FANCC: variants seen among roughly 807,000 people sequenced by gnomAD.
FANCC encodes Fanconi anemia group C protein.
A neutral mutation model predicts 71.3 loss-of-function variants in FANCC; 55 were observed. The observed-to-expected ratio is 0.77, with a 90% CI of 0.62 to 0.97. The LOEUF is 0.97. Ranked by LOEUF, FANCC falls within the 50% of genes least tolerant of loss-of-function variation. The pLI, the probability that FANCC is intolerant of heterozygous loss-of-function variation, is 0.00. For synonymous variants in FANCC, 275 were observed against 244.9 expected, an observed-to-expected ratio of 1.12 and a Z score of -1.15; for missense variants, 678 against 670.9, an observed-to-expected ratio of 1.01 and a Z score of -0.12.
chr9:95,183,805 G>A (rs1826531544), intron 4 of FANCC, among the ~76,000 whole-genome samples: 1 of 152,178 alleles, frequency 6.6e-6, no homozygotes, highest in Non-Finnish European at 1.5e-5. Context: ...AAGGGGTCCT[G>A]AGAAATTCAA....
intron 4 of FANCC, among the ~76,000 whole-genome samples, chr9:95,193,099 G>A (rs1827210839): frequency 6.6e-6 from 1 of 152,158 alleles, no homozygotes; most frequent in South Asian, 2.1e-4. Context: ...TCCAGTGAGG[G>A]AAAAGGGAAG....
chr9:95,235,522 A>G (rs1357570676), intron 4 of FANCC, among the ~76,000 whole-genome samples: 1 of 152,174 alleles, frequency 6.6e-6, no homozygotes, highest in East Asian at 1.9e-4. Flanking sequence ...GATCTTCATG[A>G]CCTTGGACTG....
chr9:95,202,591 CTT>C (rs1302651634), intron 4 of FANCC, among the ~76,000 whole-genome samples: 2 of 152,214 alleles, frequency 1.3e-5, no homozygotes, highest in African/African-American at 4.8e-5. Flanking sequence ...TTATGGGACT[CTT>C]TTTCTAATTA....
intron 4 of FANCC, among the ~76,000 whole-genome samples, chr9:95,176,286 G>A (rs575860370): frequency 3.3e-5 from 5 of 152,150 alleles, no homozygotes; most frequent in Non-Finnish European, 5.9e-5. Flanking sequence ...ATGCAAATCT[G>A]AATGCTCTCA....
chr9:95,104,470 G>C (rs867308072), intron 14 of FANCC, among the ~76,000 whole-genome samples: 1 of 152,144 alleles, frequency 6.6e-6, no homozygotes. Flanking sequence ...GAGGGTTCCC[G>C]TGTGGATCCG....
At chr9:95,143,676 T>A (rs894331160) in intron 7 of FANCC, among the ~76,000 whole-genome samples, 4 of 152,196 alleles carry the variant, frequency 2.6e-5, no homozygotes, top group Non-Finnish European at 5.9e-5. Context: ...AAATTCTCCA[T>A]CCAGTCTTCA....
chr9:95,279,549 A>G (rs549425030), intron 1 of FANCC, among the ~76,000 whole-genome samples: 1 of 152,112 alleles, frequency 6.6e-6, no homozygotes, highest in African/African-American at 2.4e-5. Flanking sequence ...GAGCGTAATA[A>G]AAGGAGAAAC....
At chr9:95,148,025 G>A (rs1829795415) in intron 7 of FANCC, among the ~76,000 whole-genome samples, 1 of 152,068 alleles carries the variant, frequency 6.6e-6, no homozygotes, top group East Asian at 1.9e-4. Flanking sequence ...TGCACTGATA[G>A]CGCAAAAGCA....
At chr9:95,291,965 AAAATATATATATAT>A (rs1338946924) in intron 1 of FANCC, among the ~76,000 whole-genome samples, 2 of 84,936 alleles carry the variant, frequency 2.4e-5, no homozygotes, top group Non-Finnish European at 4.8e-5. Context: ...AAAAAAAAAA[AAAATATATATATAT>A]ATATATATAT....
rs1214856510 is a variant in FANCC at position 95,101,194 on chromosome 9, C to G, written c.*513G>C. The G allele has an allele frequency of 3.9e-6, 1 of 254,228 alleles. No individual in the cohort carries two copies. Among genetic ancestry groups the G allele is most frequent in the Non-Finnish European group, 7.7e-6 (1 of 129,392 alleles). The allele number at this position is 254,228 out of a possible 1,614,324, so 15.7% of individuals were successfully genotyped here. A position where few individuals can be genotyped will look rare whatever the true frequency, so the allele number is the denominator to read the frequency against. On this transcript the variant is annotated 3_prime_UTR_variant, in exon 15 of 15. Transcript: ENST00000289081. ...CAGGTCCAGGGAGACACAAGGGAAG[C>G]CTGAGGGACCCTGACTCCCCTTGAA...
chr9:95,143,665 C>T (rs1233327781), intron 7 of FANCC, among the ~76,000 whole-genome samples: 1 of 152,090 alleles, frequency 6.6e-6, no homozygotes, highest in Non-Finnish European at 1.5e-5. Flanking sequence ...GCATATAGAA[C>T]AAATTCTCCA....
In FANCC at chr9:95,100,398, A is replaced by T; in HGVS notation, c.*1309T>A. The stretch of plus-strand genomic sequence containing the variant: ...TATTAGCATTGCCACATACCAAAAT[A>T]AGGAATTTCCCTAAAGGTTAACTTC... On this transcript the variant is annotated 3_prime_UTR_variant, in exon 15 of 15. Transcript: ENST00000289081. The T allele has an allele frequency of 4.3e-6, 1 of 231,462 alleles. No individual in the cohort carries two copies. The highest frequency in any genetic ancestry group is 8.6e-6 in the Non-Finnish European group (1 of 116,904). 14.3% of individuals were successfully genotyped at this position (231,462 alleles called of 1,614,324 possible). A position where few individuals can be genotyped will look rare whatever the true frequency, so the allele number is the denominator to read the frequency against.
Position 95,317,634 on chromosome 9 carries a change from T to C in FANCC, c.-187A>G, listed in dbSNP as rs1400683115. 1 of 152,306 alleles carries C rather than the reference T, an allele frequency of 6.6e-6. No homozygotes were observed. The highest frequency in any genetic ancestry group is 2.4e-5 in the African/African-American group (1 of 41,468). The allele number at this position is 152,306 out of a possible 1,614,324, so 9.4% of individuals were successfully genotyped here. A position where few individuals can be genotyped will look rare whatever the true frequency, so the allele number is the denominator to read the frequency against. On this transcript the variant is annotated 5_prime_UTR_variant, in exon 1 of 15. Coordinates refer to ENST00000289081, the MANE Select transcript of FANCC (RefSeq NM_000136.3). ...TTGGCTTTGCCTCGTATTGGCTTTT[T>C]GAGTTTTTTTGGAATTTTCCCGCGG...
intron 6 of FANCC, among the ~76,000 whole-genome samples, chr9:95,157,353 G>A (rs1830508404): frequency 6.6e-6 from 1 of 152,156 alleles, no homozygotes; most frequent in East Asian, 1.9e-4. Context: ...TTGTCATAGG[G>A]CTTTAAATAG....
intron 1 of FANCC, among the ~76,000 whole-genome samples, chr9:95,314,129 A>C (rs72752351): frequency 2.6e-5 from 4 of 152,396 alleles, no homozygotes; most frequent in African/African-American, 9.6e-5. Context: ...ATCCACATGG[A>C]AAGAAAAGTA....
chr9:95,148,350 T>A (rs1006768674), intron 7 of FANCC, among the ~76,000 whole-genome samples: 1 of 152,238 alleles, frequency 6.6e-6, no homozygotes, highest in Non-Finnish European at 1.5e-5. Flanking sequence ...GACCACTTTT[T>A]GTCATGGAAA....
At chr9:95,108,176 AGTCTGTCATAAACTCCAGT>A (rs1166493657) in intron 13 of FANCC, among the ~76,000 whole-genome samples, 1 of 152,240 alleles carries the variant, frequency 6.6e-6, no homozygotes, top group African/African-American at 2.4e-5. Context: ...CATTCAATGA[AGTCTGTCATAAACTCCAGT>A]ACACTGGGTG....
At chr9:95,104,101 G>A (rs10821451) in intron 14 of FANCC, among the ~76,000 whole-genome samples, 62,635 of 152,016 alleles carry the variant, frequency 0.41, 13,106 homozygotes, top group East Asian at 0.57. Context: ...AAGCAGACCC[G>A]GCTCTTTCCA....
intron 1 of FANCC, chr9:95,294,584 A>G: frequency 6.5e-7 from 1 of 1,539,730 alleles, no homozygotes; most frequent in Admixed American, 1.7e-5. Flanking sequence ...TCCACTGTTA[A>G]AGATATACCT....
Sources: allele counts gnomAD v4.1 joint callset (sites outside exome capture counted in the v4.1 genomes callset), GRCh38; gene constraint gnomAD v4.1.1; transcripts MANE v1.5; gene names NCBI Gene and HGNC (gene_info 2026-07-23, HGNC 2026-07-21).